The following SYT1 variants were observed in gnomAD, a reference collection of about 807,000 sequenced individuals.
SYT1 encodes the protein synaptotagmin-1.
SYT1 carries 8 observed loss-of-function variants against 44.8 expected under a neutral mutation model. That is an observed-to-expected ratio of 0.18 (90% CI 0.10 to 0.32). The LOEUF is 0.32. Ranked by LOEUF, SYT1 falls within the 10% of genes least tolerant of loss-of-function variation. The pLI is 1.00. For missense variants in SYT1, 286 were observed against 509.3 expected (o/e 0.56, Z 4.22); for synonymous variants, 154 against 188.8 (o/e 0.82, Z 1.51).
In SYT1 at chr12:79,005,571, C is replaced by T. The variant is rs908801907; in HGVS notation, c.-84+27640C>T. Among the ~76,000 whole-genome samples, 53 of 151,808 alleles carry T rather than the reference C, an allele frequency of 3.5e-4. 1 individual carries two copies. The highest frequency in any genetic ancestry group is 2.9e-5 in the Non-Finnish European group (2 of 67,948). On this transcript the variant is annotated intron_variant, in intron 2 of 10. Transcript: ENST00000261205. ...ATGGGATATCTGAGTATAGGAAGCCCTTCAGAAGTGATTTTATTATTTTTG... is the reference window on the plus strand; with the variant it reads ...ATGGGATATCTGAGTATAGGAAGCCTTTCAGAAGTGATTTTATTATTTTTG...
intron 6 of SYT1, among the ~76,000 whole-genome samples, chr12:79,292,738 GAACTAAAGGAGGT>G (rs1879649139): frequency 1.3e-5 from 2 of 151,968 alleles, no homozygotes; most frequent in South Asian, 4.2e-4. Context: ...AAGTGACAAG[GAACTAAAGGAGGT>G]AACAAAACGG....
At chr12:79,102,254 TTCTC>T (rs892747843) in intron 3 of SYT1, among the ~76,000 whole-genome samples, 1 of 148,520 alleles carries the variant, frequency 6.7e-6, no homozygotes, top group Non-Finnish European at 1.5e-5. Context: ...CTCTCTTTCC[TTCTC>T]TCTCTCTCTC....
intron 4 of SYT1, among the ~76,000 whole-genome samples, chr12:79,240,011 C>T (rs138847717): frequency 3.6e-4 from 55 of 152,306 alleles, no homozygotes; most frequent in Admixed American, 5.9e-4. Flanking sequence ...GAAATACAAC[C>T]TATTTGGGAA....
intron 1 of SYT1, among the ~76,000 whole-genome samples, chr12:78,935,418 G>A (rs1410851467): frequency 1.3e-5 from 2 of 152,104 alleles, no homozygotes; most frequent in Non-Finnish European, 2.9e-5. Context: ...TTCAGCAAAC[G>A]ACATTTTACT....
chr12:79,277,979 T>C (rs2138798148), intron 4 of SYT1, among the ~76,000 whole-genome samples: 1 of 152,002 alleles, frequency 6.6e-6, no homozygotes, highest in East Asian at 1.9e-4. Context: ...CATAAATATA[T>C]ACACATCTAA....
chr12:79,351,062 A>G (rs1307645581), intron 8 of SYT1, among the ~76,000 whole-genome samples: 1 of 152,242 alleles, frequency 6.6e-6, no homozygotes, highest in Non-Finnish European at 1.5e-5. Flanking sequence ...TTCTTAAACT[A>G]ATGAAGCAAA....
intron 8 of SYT1, among the ~76,000 whole-genome samples, chr12:79,349,925 T>TG (rs1393694471): frequency 4.6e-5 from 7 of 152,192 alleles, no homozygotes; most frequent in Admixed American, 4.6e-4. Flanking sequence ...TCTATGTTGA[T>TG]GGACAAGAGA....
chr12:79,275,458 G>A (rs1038211643), intron 4 of SYT1, among the ~76,000 whole-genome samples: 10 of 152,116 alleles, frequency 6.6e-5, no homozygotes, highest in Admixed American at 3.9e-4. Flanking sequence ...GCTTGCAAGA[G>A]GGGTGGAGTT....
intron 3 of SYT1, among the ~76,000 whole-genome samples, chr12:79,109,637 T>G (rs960879704): frequency 1.3e-5 from 2 of 152,158 alleles, no homozygotes; most frequent in African/African-American, 4.8e-5. Context: ...CAAAGCATAA[T>G]AGAGATTAAG....
upstream of SYT1, chr12:78,864,377 T>G (rs1034238542): frequency 3.3e-5 from 5 of 150,716 alleles, no homozygotes; most frequent in Admixed American, 2.7e-4. Context: ...AAAAAAGCTT[T>G]GTATTATGCT....
At chr12:79,033,224 TGA>T (rs1336609203) in intron 2 of SYT1, among the ~76,000 whole-genome samples, 1 of 151,256 alleles carries the variant, frequency 6.6e-6, no homozygotes, top group Non-Finnish European at 1.5e-5. Flanking sequence ...ATGGGTGAAA[TGA>T]GAGTCTCCTT....
At chr12:79,300,090 G>T (rs1442577799) in intron 8 of SYT1, among the ~76,000 whole-genome samples, 2 of 152,052 alleles carry the variant, frequency 1.3e-5, no homozygotes, top group African/African-American at 4.8e-5. Flanking sequence ...TTTTTTAAAT[G>T]ACTCACATTT....
chr12:78,963,368 G>T (rs1170907667), intron 1 of SYT1, among the ~76,000 whole-genome samples: 1 of 152,036 alleles, frequency 6.6e-6, no homozygotes, highest in Non-Finnish European at 1.5e-5. Flanking sequence ...GGAAACGATG[G>T]CGTGAAAAGA....
At position 79,032,366 on chromosome 12, in the gene SYT1, G is replaced by C. The variant is rs192131746; in HGVS notation, c.-83-14931G>C. 2.6e-5 allele frequency among the ~76,000 whole-genome samples: 4 copies of C among 151,070 alleles called. No individual in the cohort carries two copies. The Admixed American group carries it at 2.7e-4, about 10-fold the overall frequency. On this transcript the variant is annotated intron_variant, in intron 2 of 10. Transcript: ENST00000261205. ...ATATGATAGAGACATGAATTTTATA[G>C]GCAGGGACCTTATCTTGTACTCTTT... is the stretch of plus-strand genomic sequence containing the variant.
At chr12:79,179,338 ATC>A (rs1183166711) in intron 3 of SYT1, among the ~76,000 whole-genome samples, 1 of 77,388 alleles carries the variant, frequency 1.3e-5, no homozygotes, top group African/African-American at 5.3e-5. Flanking sequence ...ATATAGATAT[ATC>A]GATATGTCTA....
intron 1 of SYT1, among the ~76,000 whole-genome samples, chr12:78,905,604 C>T (rs575091468): frequency 3.3e-5 from 5 of 152,042 alleles, no homozygotes; most frequent in African/African-American, 1.2e-4. Context: ...TCTCCCCTAA[C>T]CTTTTATTAC....
chr12:78,953,722 C>T (rs552602061), intron 1 of SYT1, among the ~76,000 whole-genome samples: 42 of 151,870 alleles, frequency 2.8e-4, no homozygotes, highest in Middle Eastern at 6.8e-3. Context: ...TGAAATTTTT[C>T]ATAAAATATT....
At chr12:78,953,195 T>A (rs969519652) in intron 1 of SYT1, among the ~76,000 whole-genome samples, 1 of 151,928 alleles carries the variant, frequency 6.6e-6, no homozygotes, top group African/African-American at 2.4e-5. Flanking sequence ...CTATTGTGAG[T>A]CTGGAGAAAG....
At chr12:79,258,735 G>T (rs79928574) in intron 4 of SYT1, among the ~76,000 whole-genome samples, 2,334 of 152,216 alleles carry the variant, frequency 0.015, 43 homozygotes, top group African/African-American at 0.047. Context: ...AGAGAGAAAA[G>T]GATGCAATCA....
Sources: allele counts gnomAD v4.1 joint callset (sites outside exome capture counted in the v4.1 genomes callset), GRCh38; gene constraint gnomAD v4.1.1; transcripts MANE v1.5; gene names NCBI Gene and HGNC (gene_info 2026-07-23, HGNC 2026-07-21).